Variants in SAFB2 observed in about 807,000 individuals in gnomAD.
SAFB2 encodes scaffold attachment factor B2.
Under a neutral mutation model 100.6 loss-of-function variants are expected in SAFB2, and 32 were observed. The ratio of observed to expected loss-of-function variants is 0.32; its 90% CI spans 0.24 to 0.43. The LOEUF (loss-of-function observed/expected upper bound fraction) is 0.43. Ranked by LOEUF, SAFB2 falls within the 20% of genes least tolerant of loss-of-function variation. SAFB2 has a pLI of 1.00. For missense variants in SAFB2, 1,185 were observed against 1,163.4 expected, an observed-to-expected ratio of 1.02 and a Z score of -0.27; for synonymous variants, 500 against 439.4, an observed-to-expected ratio of 1.14 and a Z score of -1.72.
chr19:5,606,113 G>C (rs1338983953), intron 9 of SAFB2, among the ~76,000 whole-genome samples: 2 of 152,206 alleles, frequency 1.3e-5, no homozygotes, highest in African/African-American at 4.8e-5. Flanking sequence ...CCAATAGCCA[G>C]GGTGGAAAGG....
intron 13 of SAFB2, among the ~76,000 whole-genome samples, chr19:5,598,207 T>C (rs987757096): frequency 2.0e-5 from 3 of 151,440 alleles, no homozygotes; most frequent in African/African-American, 7.3e-5. Flanking sequence ...GAACTCCACA[T>C]TCGTTAAAAA....
At chr19:5,616,555 A>G in intron 2 of SAFB2, 69 bp from the exon 3 acceptor site, 1 of 1,311,182 alleles carries the variant, frequency 7.6e-7, no homozygotes, top group Non-Finnish European at 1.1e-6. Context: ...TATGCAGAAT[A>G]GATTTCAATC....
chr19:5,610,848 A>C, intron 7 of SAFB2, 160 bp from the exon 8 acceptor site: 3 of 759,454 alleles, frequency 4.0e-6, no homozygotes, highest in Non-Finnish European at 4.2e-6. Flanking sequence ...ATCTGACCCC[A>C]AAAATACAAT....
chr19:5,614,079 G>T (rs1162452105), intron 4 of SAFB2, among the ~76,000 whole-genome samples: 1 of 152,072 alleles, frequency 6.6e-6, no homozygotes. Context: ...TCAGCCTCCC[G>T]AGGAGCTAGG....
rs746445552 is a variant in SAFB2 at position 5,590,355 on chromosome 19, C to T, written c.2448G>A (p.Arg816=). 5 of 1,611,704 alleles carry T rather than the reference C, an allele frequency of 3.1e-6. No individual in the cohort carries two copies. The highest frequency in any genetic ancestry group is 4.2e-6 in the Non-Finnish European group (5 of 1,179,322). ...GHGGPPERHG[R]DSRDGWGGYG... is the part of the protein sequence containing the mutation. ...AGCCCCCCCAGCCATCACGGGAGTC[C>T]CGGCCGTGGCGCTCTGGGGGTCCTC... The change falls in exon 18 of 21, where the codon CGG becomes CGA. Residue 816 remains arginine, a synonymous_variant. Transcript: ENST00000252542.
At chr19:5,601,529 T>A (rs1415248071) in intron 11 of SAFB2, among the ~76,000 whole-genome samples, 1 of 152,024 alleles carries the variant, frequency 6.6e-6, no homozygotes, top group Non-Finnish European at 1.5e-5. Flanking sequence ...GCCAACATTG[T>A]GAAACTCCGT....
intron 6 of SAFB2, chr19:5,612,292 T>C (rs2052924972): frequency 1.8e-6 from 1 of 549,682 alleles, no homozygotes; most frequent in Non-Finnish European, 3.2e-6. Context: ...AATGCCACTC[T>C]ACGTGGTTAG....
chr19:5,616,622 A>T, intron 2 of SAFB2, 136 bp from the exon 3 acceptor site: 2 of 651,680 alleles, frequency 3.1e-6, no homozygotes, highest in East Asian at 5.6e-5. Flanking sequence ...TGTCACACGT[A>T]ATTTTGTCTC....
chr19:5,599,186 T>C (rs959383890), intron 12 of SAFB2, among the ~76,000 whole-genome samples: 3 of 151,972 alleles, frequency 2.0e-5, no homozygotes, highest in African/African-American at 7.3e-5. Context: ...GACCCTCCAC[T>C]CTAAACCCAC....
At chr19:5,589,984 G>A (rs907346195) in intron 18 of SAFB2, among the ~76,000 whole-genome samples, 1 of 152,226 alleles carries the variant, frequency 6.6e-6, no homozygotes, top group Non-Finnish European at 1.5e-5. Context: ...GTCTCTCCCA[G>A]TGTGTACGCA....
chr19:5,597,494 T>C (rs1033121247), intron 13 of SAFB2, among the ~76,000 whole-genome samples: 1 of 152,160 alleles, frequency 6.6e-6, no homozygotes, highest in Non-Finnish European at 1.5e-5. Context: ...TGTGTCTGTA[T>C]GTAGAGACCT....
At chr19:5,614,019 TCTCGGCTCATTGCAAC>T (rs1340652930) in intron 4 of SAFB2, among the ~76,000 whole-genome samples, 1 of 152,200 alleles carries the variant, frequency 6.6e-6, no homozygotes, top group Non-Finnish European at 1.5e-5. Flanking sequence ...AATGGCGCCA[TCTCGGCTCATTGCAAC>T]CTCCACCTCC....
intron 11 of SAFB2, among the ~76,000 whole-genome samples, chr19:5,601,222 C>G (rs1367372719): frequency 6.6e-6 from 1 of 152,168 alleles, no homozygotes; most frequent in Non-Finnish European, 1.5e-5. Context: ...CATCCCAGAA[C>G]TGACTATTGT....
intron 18 of SAFB2, among the ~76,000 whole-genome samples, chr19:5,588,386 CAA>C (rs2052311993): frequency 6.6e-6 from 1 of 152,212 alleles, no homozygotes; most frequent in African/African-American, 2.4e-5. Flanking sequence ...CATGACCCAG[CAA>C]ACCCATTCCT....
At chr19:5,622,061 C>A (rs2053166199) in intron 1 of SAFB2, among the ~76,000 whole-genome samples, 1 of 152,214 alleles carries the variant, frequency 6.6e-6, no homozygotes, top group South Asian at 2.1e-4. Context: ...GGGCCGGCCA[C>A]GAGAAGATCT....
intron 2 of SAFB2, among the ~76,000 whole-genome samples, chr19:5,616,854 A>C: frequency 6.6e-6 from 1 of 151,610 alleles, no homozygotes; most frequent in East Asian, 1.9e-4. Flanking sequence ...GTTTCACCAT[A>C]TTGGCCAGGC....
chr19:5,621,432 G>A (rs1568234998), intron 1 of SAFB2, 36 bp from the exon 2 acceptor site: 1 of 1,267,948 alleles, frequency 7.9e-7, no homozygotes, highest in Non-Finnish European at 1.2e-6. Context: ...ACATCATTAA[G>A]AGCTGCAGGG....
Position 5,592,837 on chromosome 19 carries a change from C to T in SAFB2, c.2258G>A (p.Arg753Gln), listed in dbSNP as rs779899200. ...TGGCCGGGGAAAGTCTGCACGATAT[C>T]GGTCCTCCATTGCCACACGCTTTCC... ...PEGKRVAMED[R>Q]YRADFPRPDH... Residue 753 changes from arginine to glutamine, a missense_variant, in exon 16 of 21, where the codon CGA (arginine) becomes CAA (glutamine). Arg to Gln is a conservative substitution (Grantham distance 43). This residue lies in a region of SAFB2 where 740 missense variants were observed against 687.1 expected (regional missense o/e 1.08). Coordinates refer to ENST00000252542, the MANE Select transcript of SAFB2 (RefSeq NM_014649.3). 8 of 1,614,140 alleles carry T rather than the reference C, an allele frequency of 5.0e-6. No homozygotes were observed. Among genetic ancestry groups the T allele is most frequent in the East Asian group, 2.2e-5 (1 of 44,882 alleles).
rs2145329027 is a variant in SAFB2 at position 5,598,880 on chromosome 19, G to C, written c.1695C>G (p.Ser565Arg). The C allele has an allele frequency of 6.2e-7, 1 of 1,613,938 alleles. No homozygotes were observed. Among genetic ancestry groups the C allele is most frequent in the Non-Finnish European group, 8.5e-7 (1 of 1,179,988 alleles). Residue 565 changes from serine (S) to arginine (R), a missense_variant, in exon 13 of 21, where the codon AGC becomes AGG. Coordinates refer to ENST00000252542, the MANE Select transcript of SAFB2 (RefSeq NM_014649.3). ...TNRSRVTKSG[S>R]RGMERTVVMD... ...TCACGACCGTCCGCTCCATTCCTCTGCTTCCTTCAGGAAAAAACACAACAA... is the reference window on the plus strand; with the variant it reads ...TCACGACCGTCCGCTCCATTCCTCTCCTTCCTTCAGGAAAAAACACAACAA...
Sources: gnomAD v4.1 joint callset for allele counts (sites outside exome capture counted in the v4.1 genomes callset) on GRCh38, gnomAD v4.1.1 for gene constraint, gnomAD v4.1.1 regional missense constraint, MANE v1.5 for transcripts, NCBI Gene and HGNC (gene_info 2026-07-23, HGNC 2026-07-21) for gene names.